The following PROCR variants were observed in gnomAD, a reference collection of about 807,000 sequenced individuals.
PROCR encodes protein C receptor.
Under a neutral mutation model 24.2 loss-of-function variants are expected in PROCR, and 22 were observed. The ratio of observed to expected loss-of-function variants is 0.91; its 90% confidence interval spans 0.65 to 1.30. PROCR has a LOEUF of 1.30. Among genes scored for constraint, PROCR ranks in the 50% most tolerant of loss-of-function variants. The pLI, the probability that PROCR is intolerant of heterozygous loss-of-function variation, is 0.00. For missense variants in PROCR, 288 were observed against 307.7 expected (o/e 0.94, Z 0.48); for synonymous variants, 137 against 139.2 (o/e 0.98, Z 0.11).
intron 1 of PROCR, among the ~76,000 whole-genome samples, chr20:35,191,653 G>A (rs1207990079): frequency 6.6e-6 from 1 of 152,162 alleles, no homozygotes; most frequent in Non-Finnish European, 1.5e-5. Context: ...AATTTAGATA[G>A]ACCGAACAAG....
chr20:35,180,251 T>G, downstream of PROCR, among the ~76,000 whole-genome samples: 1 of 105,556 alleles, frequency 9.5e-6, no homozygotes, highest in Admixed American at 8.4e-5. Context: ...CCATCTCAAA[T>G]AAATAAATAA....
chr20:35,195,323 C>A (rs981291820), intron 1 of PROCR: 2 of 152,038 alleles, frequency 1.3e-5, no homozygotes, highest in Admixed American at 6.6e-5. Context: ...GATATACCAT[C>A]CTGAATGCAC....
At chr20:35,195,089 C>T (rs2086204597) in intron 1 of PROCR, among the ~76,000 whole-genome samples, 2 of 151,942 alleles carry the variant, frequency 1.3e-5, no homozygotes, top group African/African-American at 4.8e-5. Context: ...AGTTAAACAT[C>T]CTTGAAATAA....
At chr20:35,171,929 G>A (rs1445518842), upstream of PROCR, 2 of 606,754 alleles carry the variant, frequency 3.3e-6, no homozygotes, top group Non-Finnish European at 6.0e-6. Context: ...GGGCGGGGCA[G>A]AGGGAGGGCA....
intron 1 of PROCR, among the ~76,000 whole-genome samples, chr20:35,197,668 A>C (rs1423423287): frequency 6.6e-6 from 1 of 151,768 alleles, no homozygotes; most frequent in African/African-American, 2.4e-5. Flanking sequence ...CTAAAAATAC[A>C]AAAATTAGCC....
At chr20:35,210,296 A>T (rs1301581375) in intron 1 of PROCR, among the ~76,000 whole-genome samples, 1 of 152,104 alleles carries the variant, frequency 6.6e-6, no homozygotes, top group Non-Finnish European at 1.5e-5. Flanking sequence ...TGTAATATCA[A>T]CACTTTGGGA....
At chr20:35,195,065 C>T (rs895174044) in intron 1 of PROCR, among the ~76,000 whole-genome samples, 1 of 152,016 alleles carries the variant, frequency 6.6e-6, no homozygotes, top group Non-Finnish European at 1.5e-5. Context: ...TATAACCATC[C>T]CCCATGAGGT....
chr20:35,177,345 T>G lies in PROCR; in HGVS notation c.*532T>G. The G allele has an allele frequency of 1.0e-6, 1 of 981,032 alleles. No individual in the cohort carries two copies. The highest frequency in any genetic ancestry group is 4.7e-5 in the South Asian group (1 of 21,204). The allele number at this position is 981,032 out of a possible 1,614,324, so 60.8% of individuals were successfully genotyped here. A position where few individuals can be genotyped will look rare whatever the true frequency, so the allele number is the denominator to read the frequency against. On this transcript the variant is annotated 3_prime_UTR_variant, in exon 4 of 4. Coordinates refer to ENST00000216968, the MANE Select transcript of PROCR (RefSeq NM_006404.5). ...TTAATCAATTAATAATATTAATAAA[T>G]TTCTTATATTTAAGGCATTGTTATC...
intron 1 of PROCR, among the ~76,000 whole-genome samples, chr20:35,212,838 G>A (rs1366719807): frequency 6.6e-6 from 1 of 152,200 alleles, no homozygotes; most frequent in Non-Finnish European, 1.5e-5. Context: ...GCCAGTTGGT[G>A]ACCTGAAGAG....
At chr20:35,184,355 TAGA>T (rs1486353236) in intron 1 of PROCR, among the ~76,000 whole-genome samples, 2 of 152,192 alleles carry the variant, frequency 1.3e-5, no homozygotes, top group African/African-American at 4.8e-5. Context: ...TAGCCACAGG[TAGA>T]AGAACGAAAC....
In PROCR at chr20:35,215,884, T is replaced by C. The variant is rs574846212; in HGVS notation, c.95-9T>C. ...CTCCAGCCACCCTCTCATTTATATT[T>C]CCTTTCAGATCTCTACTAAGAATGT... On this transcript the variant is annotated splice_polypyrimidine_tract_variant and intron_variant, in intron 1 of 1. Coordinates refer to the PROCR transcript ENST00000634509. 3.6e-5 allele frequency: 35 copies of C among 985,360 alleles called. No homozygotes were observed. In the Admixed American group the frequency reaches 9.2e-4, roughly 26 times the overall value. 61.0% of individuals were successfully genotyped at this position (985,360 alleles called of 1,614,324 possible).
At chr20:35,194,526 A>G (rs1395523630) in intron 1 of PROCR, among the ~76,000 whole-genome samples, 1 of 152,194 alleles carries the variant, frequency 6.6e-6, no homozygotes, top group Non-Finnish European at 1.5e-5. Flanking sequence ...GGAGAGACCA[A>G]CTTAGCTAAG....
chr20:35,195,641 T>C (rs1460680003), intron 1 of PROCR, among the ~76,000 whole-genome samples: 2 of 151,816 alleles, frequency 1.3e-5, no homozygotes, highest in Non-Finnish European at 2.9e-5. Context: ...GTCAACATCA[T>C]GAAACCCCAT....
At chr20:35,176,119 C>A in intron 2 of PROCR, 49 bp from the exon 3 acceptor site, 1 of 1,587,718 alleles carries the variant, frequency 6.3e-7, no homozygotes, top group Non-Finnish European at 8.6e-7. Context: ...TCGCCCCACA[C>A]CTGGCACCCT....
chr20:35,176,895 C>T lies in PROCR; in HGVS notation c.*82C>T. On this transcript the variant is annotated 3_prime_UTR_variant, in exon 4 of 4. Coordinates refer to ENST00000216968, the MANE Select transcript of PROCR (RefSeq NM_006404.5). ...TTCAGCTCACTGTGAAGCCAGACTC[C>T]CCAACTGAAACACCAGAAGGTTTGG... 1 of 1,560,806 alleles carries T rather than the reference C, an allele frequency of 6.4e-7. No individual in the cohort carries two copies. The highest frequency in any genetic ancestry group is 1.4e-5 in the African/African-American group (1 of 73,956).
intron 1 of PROCR, among the ~76,000 whole-genome samples, chr20:35,211,284 G>A (rs544108166): frequency 2.6e-5 from 4 of 152,194 alleles, no homozygotes; most frequent in Non-Finnish European, 5.9e-5. Context: ...GGGGCCAGTG[G>A]GCCCTAATGA....
At chr20:35,203,332 TA>T (rs1169177677) in intron 1 of PROCR, 3 of 152,202 alleles carry the variant, frequency 2.0e-5, no homozygotes, top group African/African-American at 7.2e-5. Flanking sequence ...CTGTCTCTAC[TA>T]AAAATACAAA....
At chr20:35,194,374 G>T (rs1321618045) in intron 1 of PROCR, among the ~76,000 whole-genome samples, 3 of 152,154 alleles carry the variant, frequency 2.0e-5, no homozygotes, top group Non-Finnish European at 2.9e-5. Context: ...TCTTAATAAG[G>T]TAGATAATAA....
chr20:35,180,131 A>T (rs1179935208), downstream of PROCR, among the ~76,000 whole-genome samples: 1 of 152,134 alleles, frequency 6.6e-6, no homozygotes, highest in Admixed American at 6.6e-5. Context: ...TTGTAATCCC[A>T]GCTACTAGCA....
Sources: allele counts gnomAD v4.1 joint callset (sites outside exome capture counted in the v4.1 genomes callset), GRCh38; gene constraint gnomAD v4.1.1; transcripts MANE v1.5; gene names NCBI Gene and HGNC (gene_info 2026-07-23, HGNC 2026-07-21).